The following RABGAP1L variants were observed in gnomAD, a reference collection of about 807,000 sequenced individuals.
RABGAP1L encodes the protein RAB GTPase activating protein 1 like.
A neutral mutation model predicts 137.7 loss-of-function variants in RABGAP1L; 63 were observed. That is an observed-to-expected ratio of 0.46 (90% CI 0.37 to 0.56). The LOEUF (loss-of-function observed/expected upper bound fraction) is 0.56. Among genes scored for constraint, RABGAP1L ranks in the 20% least tolerant of loss-of-function variants. The pLI, the probability that RABGAP1L is intolerant of heterozygous loss-of-function variation, is 0.00. For missense variants in RABGAP1L, 1,095 were observed against 1,244.0 expected (o/e 0.88, Z 1.80); for synonymous variants, 431 against 433.7 (o/e 0.99, Z 0.08).
chr1:174,686,832 T>C (rs1317885965), intron 15 of RABGAP1L, among the ~76,000 whole-genome samples: 3 of 151,340 alleles, frequency 2.0e-5, no homozygotes, highest in Non-Finnish European at 3.0e-5. Context: ...TAATTTTAGT[T>C]TTTTTTTCAG....
In RABGAP1L at chr1:174,585,818, AAGAT is replaced by A. The variant is rs563864748; in HGVS notation, c.1711-51553_1711-51550del. On this transcript the variant is annotated intron_variant, in intron 13 of 25. Coordinates refer to ENST00000681986, the MANE Select transcript of RABGAP1L (RefSeq NM_001366446.1). The stretch of plus-strand genomic sequence containing the variant: ...GGTTGGTTGACTGATTGCAGGCAAA[AAGAT>A]AGAAGTTGCCAATGAAAATTGTTTC... Among the ~76,000 whole-genome samples, 107 of 152,304 alleles carry A rather than the reference AAGAT, an allele frequency of 7.0e-4. 1 individual carries two copies. Among genetic ancestry groups the A allele is most frequent in the East Asian group, 5.8e-4 (3 of 5,180 alleles).
intron 13 of RABGAP1L, among the ~76,000 whole-genome samples, chr1:174,403,763 C>G (rs1019353316): frequency 5.3e-5 from 8 of 150,010 alleles, no homozygotes; most frequent in African/African-American, 2.0e-4. Context: ...GCTGATTATA[C>G]TGAAATACGA....
chr1:174,478,925 T>C (rs1260292403), intron 13 of RABGAP1L, among the ~76,000 whole-genome samples: 1 of 152,224 alleles, frequency 6.6e-6, no homozygotes, highest in Non-Finnish European at 1.5e-5. Context: ...TTTGGAATCT[T>C]CTGTCTGCAT....
intron 13 of RABGAP1L, among the ~76,000 whole-genome samples, chr1:174,566,214 T>A (rs1259548964): frequency 6.6e-6 from 1 of 152,166 alleles, no homozygotes; most frequent in Non-Finnish European, 1.5e-5. Context: ...AAATTCCAAT[T>A]TGCTGTTTGT....
At position 174,534,775 on chromosome 1, in the gene RABGAP1L, C is replaced by CAAAAAAAAAAAAAAA. The variant is rs71117567; in HGVS notation, c.1711-102585_1711-102571dup. ...GGATGACAGAGCGAAACTCTGTCTCCAAAAAAAAAAAAAAAAAAAAAAAAA... is the reference window on the plus strand; with the variant it reads ...GGATGACAGAGCGAAACTCTGTCTCCAAAAAAAAAAAAAAAAAAAAAAAAAAAAAAAAAAAAAAAA... On this transcript the variant is annotated intron_variant, in intron 13 of 25. Coordinates refer to ENST00000681986, the MANE Select transcript of RABGAP1L (RefSeq NM_001366446.1). 2.0e-3 allele frequency among the ~76,000 whole-genome samples: 144 copies of CAAAAAAAAAAAAAAA among 71,620 alleles called. 2 individuals are homozygous for CAAAAAAAAAAAAAAA. Among genetic ancestry groups the CAAAAAAAAAAAAAAA allele is most frequent in the East Asian group, 3.8e-3 (5 of 1,302 alleles). 47.0% of individuals were successfully genotyped at this position (71,620 alleles called of 152,430 possible). A position where few individuals can be genotyped will look rare whatever the true frequency, so the allele number is the denominator to read the frequency against.
At chr1:174,869,399 G>A (rs1056656766) in intron 19 of RABGAP1L, among the ~76,000 whole-genome samples, 1 of 152,018 alleles carries the variant, frequency 6.6e-6, no homozygotes. Flanking sequence ...GGTTTTATAA[G>A]CATCTGGCAT....
intron 1 of RABGAP1L, among the ~76,000 whole-genome samples, chr1:174,174,527 G>A (rs1665680146): frequency 6.6e-6 from 1 of 152,160 alleles, no homozygotes; most frequent in South Asian, 2.1e-4. Context: ...TAGGGAACTA[G>A]GGAAACCAGT....
At chr1:174,477,242 CAACTA>C (rs1658598014) in intron 13 of RABGAP1L, among the ~76,000 whole-genome samples, 1 of 152,186 alleles carries the variant, frequency 6.6e-6, no homozygotes. Context: ...GGCAGCCAGA[CAACTA>C]AAGTATGTGA....
At chr1:174,525,790 A>T (rs541475673) in intron 13 of RABGAP1L, among the ~76,000 whole-genome samples, 1 of 152,116 alleles carries the variant, frequency 6.6e-6, no homozygotes, top group East Asian at 1.9e-4. Context: ...GGTCTTTATT[A>T]TTTTGAGGTA....
intron 18 of RABGAP1L, among the ~76,000 whole-genome samples, chr1:174,770,309 G>A (rs1202270318): frequency 6.6e-6 from 1 of 151,838 alleles, no homozygotes; most frequent in Non-Finnish European, 1.5e-5. Flanking sequence ...ACAAATACTG[G>A]GCTTCTAATT....
chr1:174,877,331 T>G (rs74800437), intron 19 of RABGAP1L: 262 of 1,237,228 alleles, frequency 2.1e-4, no homozygotes, highest in Middle Eastern at 8.4e-4. Context: ...TAGCAGCCGC[T>G]TTTTTTTTCT....
Position 174,749,079 on chromosome 1 carries a change from G to A in RABGAP1L, c.2170-3234G>A, listed in dbSNP as rs181086229. On this transcript the variant is annotated intron_variant, in intron 17 of 25. Coordinates refer to ENST00000681986, the MANE Select transcript of RABGAP1L (RefSeq NM_001366446.1). ...TAGCCCCAGCTACATGGGAGGCTGA[G>A]GCACAAGAATCGCCTGAACCCAGGA... 2.8e-3 allele frequency among the ~76,000 whole-genome samples: 422 copies of A among 151,748 alleles called. 1 individual carries two copies. The highest frequency in any genetic ancestry group is 9.4e-3 in the African/African-American group (388 of 41,394).
chr1:174,421,030 A>G (rs1009245781), intron 13 of RABGAP1L, among the ~76,000 whole-genome samples: 1 of 152,180 alleles, frequency 6.6e-6, no homozygotes, highest in Non-Finnish European at 1.5e-5. Context: ...ACAGCTCTTT[A>G]AGGACAAGAT....
chr1:174,574,693 C>G (rs1212705036), intron 13 of RABGAP1L, among the ~76,000 whole-genome samples: 1 of 152,124 alleles, frequency 6.6e-6, no homozygotes, highest in Non-Finnish European at 1.5e-5. Context: ...TGATGTGGCA[C>G]TTTTTCTCAA....
chr1:174,447,372 C>A (rs1571855257), intron 13 of RABGAP1L, among the ~76,000 whole-genome samples: 1 of 152,054 alleles, frequency 6.6e-6, no homozygotes, highest in East Asian at 1.9e-4. Context: ...TACCTCTATT[C>A]TGCCCATGTA....
At chr1:174,833,447 G>GAT (rs1275423217) in intron 19 of RABGAP1L, among the ~76,000 whole-genome samples, 4 of 16,920 alleles carry the variant, frequency 2.4e-4, no homozygotes, top group African/African-American at 2.9e-4. Context: ...TGTGTGTGTA[G>GAT]AGATATATAT....
chr1:174,163,811 C>G (rs1664701542), intron 1 of RABGAP1L, among the ~76,000 whole-genome samples: 1 of 151,786 alleles, frequency 6.6e-6, no homozygotes, highest in African/African-American at 2.4e-5. Flanking sequence ...GAATATGAAG[C>G]CTAACAACTG....
intron 19 of RABGAP1L, among the ~76,000 whole-genome samples, chr1:174,866,831 T>C (rs1275208245): frequency 6.6e-6 from 1 of 152,052 alleles, no homozygotes; most frequent in Non-Finnish European, 1.5e-5. Flanking sequence ...GAGGATTACC[T>C]GAGCCTGGAA....
chr1:174,662,824 A>G (rs562017713), intron 14 of RABGAP1L, among the ~76,000 whole-genome samples: 3 of 152,226 alleles, frequency 2.0e-5, no homozygotes, highest in Non-Finnish European at 4.4e-5. Context: ...GGCCTAGCCT[A>G]ATGTGGGTGT....
Sources: gnomAD v4.1 joint callset for allele counts (sites outside exome capture counted in the v4.1 genomes callset) on GRCh38, gnomAD v4.1.1 for gene constraint, MANE v1.5 for transcripts, NCBI Gene and HGNC (gene_info 2026-07-23, HGNC 2026-07-21) for gene names.